Variants in FGFR2 observed in about 807,000 individuals in gnomAD.
FGFR2 encodes the protein fibroblast growth factor receptor 2.
In FGFR2, 19 loss-of-function variants were observed where a neutral mutation model predicts 95.9. The observed-to-expected ratio is 0.20, with a 90% CI of 0.14 to 0.29. The LOEUF is 0.29. Ranked by LOEUF, FGFR2 falls within the 10% of genes least tolerant of loss-of-function variation. The probability of loss-of-function intolerance (pLI) is 1.00; values close to 1 mark genes in which losing one functional copy is unlikely to be tolerated. For synonymous variants in FGFR2, 392 were observed against 393.3 expected, an observed-to-expected ratio of 1.00 and a Z score of 0.04; for missense variants, 707 against 1,056.9, an observed-to-expected ratio of 0.67 and a Z score of 4.59.
chr10:121,533,696 G>C (rs1384792296), intron 6 of FGFR2, among the ~76,000 whole-genome samples: 1 of 152,344 alleles, frequency 6.6e-6, no homozygotes, highest in Non-Finnish European at 1.5e-5. Context: ...CACCTCCTTA[G>C]AGTCGGGCTG....
chr10:121,596,796 T>C (rs1205911393), intron 1 of FGFR2, among the ~76,000 whole-genome samples: 2 of 151,956 alleles, frequency 1.3e-5, no homozygotes, highest in African/African-American at 4.8e-5. Flanking sequence ...GCCTGAAATA[T>C]CCTGTTTTTC....
At chr10:121,579,410 C>T (rs1671336149) in intron 2 of FGFR2, among the ~76,000 whole-genome samples, 1 of 152,174 alleles carries the variant, frequency 6.6e-6, no homozygotes, top group Non-Finnish European at 1.5e-5. Context: ...TCGCATTCCT[C>T]TGACTTCAAA....
intron 6 of FGFR2, among the ~76,000 whole-genome samples, chr10:121,525,730 A>G (rs1425501167): frequency 6.6e-6 from 1 of 151,656 alleles, no homozygotes; most frequent in Non-Finnish European, 1.5e-5. Context: ...TCCTCTGGAC[A>G]TAGTAATATG....
intron 5 of FGFR2, among the ~76,000 whole-genome samples, chr10:121,548,538 C>A (rs1422173881): frequency 6.6e-6 from 1 of 151,972 alleles, no homozygotes; most frequent in African/African-American, 2.4e-5. Context: ...TCATTAGGCC[C>A]TCTTAGTCTC....
chr10:121,530,088 A>G (rs368074141), intron 6 of FGFR2, among the ~76,000 whole-genome samples: 2 of 152,236 alleles, frequency 1.3e-5, no homozygotes, highest in African/African-American at 4.8e-5. Context: ...ACCAGCTATC[A>G]TGAAAGACGC....
chr10:121,598,152 G>T lies in FGFR2; in HGVS notation c.-341C>A. 1 of 398,342 alleles carries T rather than the reference G, an allele frequency of 2.5e-6. No individual in the cohort carries two copies. The highest frequency in any genetic ancestry group is 4.4e-6 in the Non-Finnish European group (1 of 225,886). 24.7% of individuals were successfully genotyped at this position (398,342 alleles called of 1,614,324 possible). A position where few individuals can be genotyped will look rare whatever the true frequency, so the allele number is the denominator to read the frequency against. On this transcript the variant is annotated 5_prime_UTR_variant, in exon 1 of 18. Transcript: ENST00000358487. ...GGCTGCGGAGGAGCGCGGGCATGAC[G>T]CCCGCGGGCTGCCCTCGGATTTGGG...
chr10:121,492,978 A>AC (rs1413317523), intron 13 of FGFR2, among the ~76,000 whole-genome samples: 1 of 151,988 alleles, frequency 6.6e-6, no homozygotes, highest in Non-Finnish European at 1.5e-5. Flanking sequence ...TGAGTGGGGG[A>AC]CCAGGAGACC....
Position 121,560,366 on chromosome 10 carries a change from G to A in FGFR2, c.454+4136C>T, listed in dbSNP as rs182779816. Among the ~76,000 whole-genome samples the A allele has an allele frequency of 2.8e-3, 430 of 152,166 alleles. 2 individuals carry two copies. Among genetic ancestry groups the A allele is most frequent in the Non-Finnish European group, 4.9e-3 (331 of 68,006 alleles). ...GCCGTGGCTCACGCCTGTAATCCCA[G>A]CACTTTGGGAGGCCGAGGCGAGCAG... On this transcript the variant is annotated intron_variant, in intron 4 of 17. Coordinates refer to ENST00000358487, the MANE Select transcript of FGFR2 (RefSeq NM_000141.5).
At chr10:121,556,529 TG>T (rs1372868800) in intron 4 of FGFR2, among the ~76,000 whole-genome samples, 1 of 152,078 alleles carries the variant, frequency 6.6e-6, no homozygotes, top group African/African-American at 2.4e-5. Flanking sequence ...GGTGACCATC[TG>T]GCCCAACGAC....
At chr10:121,540,939 G>C (rs145134141) in intron 5 of FGFR2, among the ~76,000 whole-genome samples, 1 of 151,944 alleles carries the variant, frequency 6.6e-6, no homozygotes, top group Non-Finnish European at 1.5e-5. Context: ...CGCCTGACTC[G>C]GCTGACACAT....
At chr10:121,577,502 G>C (rs1183255781) in intron 2 of FGFR2, among the ~76,000 whole-genome samples, 2 of 152,108 alleles carry the variant, frequency 1.3e-5, no homozygotes, top group African/African-American at 4.8e-5. Flanking sequence ...CCCTAACACA[G>C]AATTGGGGGT....
chr10:121,565,418 G>T lies in FGFR2; in HGVS notation c.376+20C>A, dbSNP rs750006099. The T allele has an allele frequency of 1.2e-6, 2 of 1,613,810 alleles. No homozygotes were observed. Among genetic ancestry groups the T allele is most frequent in the East Asian group, 4.5e-5 (2 of 44,882 alleles). On this transcript the variant is annotated intron_variant, in intron 3 of 17. Coordinates refer to ENST00000358487, the MANE Select transcript of FGFR2 (RefSeq NM_000141.5). ...ATGGCTACAGAGAAGAGAGAGCATA[G>T]TGCTGGCGGGCCAACTCACCTGTGA...
In FGFR2 at chr10:121,593,781, C is replaced by T. The variant is rs2135485083; in HGVS notation, c.37G>A (p.Val13Ile). 6.2e-7 allele frequency: 1 copy of T among 1,614,196 alleles called. No individual in the cohort carries two copies. The highest frequency in any genetic ancestry group is 8.5e-7 in the Non-Finnish European group (1 of 1,180,032). ...GCCAGGGACAAGGTTGCCATGGTGA[C>T]CACGACCAGGCAGATGAAACGACCC... ...SWGRFICLVV[V>I]TMATLSLARP... The change falls in exon 2 of 18, where the codon GTC becomes ATC. Residue 13 changes from valine to isoleucine, a missense_variant. By Grantham distance (29) the Val-to-Ile change is conservative. Around this residue, in one of 7 missense-constraint regions of FGFR2, gnomAD observed 178 missense variants for 194.1 expected, o/e 0.92. Transcript: ENST00000358487.
At chr10:121,565,417 A>G (rs2135108318) in intron 3 of FGFR2, 21 bp downstream of exon 3, 2 of 1,613,858 alleles carry the variant, frequency 1.2e-6, no homozygotes, top group East Asian at 4.5e-5. Flanking sequence ...GAGAGAGCAT[A>G]GTGCTGGCGG....
At chr10:121,557,618 A>C (rs570368309) in intron 4 of FGFR2, among the ~76,000 whole-genome samples, 1 of 152,318 alleles carries the variant, frequency 6.6e-6, no homozygotes, top group African/African-American at 2.4e-5. Flanking sequence ...AAACCAACTT[A>C]TTGATGATGT....
chr10:121,555,036 T>C (rs543095963), intron 4 of FGFR2, among the ~76,000 whole-genome samples: 2 of 152,304 alleles, frequency 1.3e-5, no homozygotes, highest in South Asian at 2.1e-4. Context: ...GCCTTGTCCA[T>C]AGTAGATGCT....
intron 2 of FGFR2, among the ~76,000 whole-genome samples, chr10:121,586,857 T>C (rs1033761026): frequency 3.3e-5 from 5 of 152,210 alleles, no homozygotes; most frequent in Admixed American, 1.3e-4. Context: ...CTTCAAGACG[T>C]GAAGGATCAC....
chr10:121,479,979 T>C lies in FGFR2; in HGVS notation c.2344A>G (p.Ser782Gly). The change falls in exon 18 of 18, where the codon AGT (serine) becomes GGT (glycine). Residue 782 changes from serine to glycine, a missense_variant. Ser to Gly is a moderately conservative substitution (Grantham distance 56). Coordinates refer to ENST00000358487, the MANE Select transcript of FGFR2 (RefSeq NM_000141.5). ...CAAGAACTTCTTGTGTCAGGGTAAC[T>C]AGGTGAATACTGTTCGAGAGGTTGG... Reference protein sequence around the residue: ...LSQPLEQYSPSYPDTRSSCSS... With the variant: ...LSQPLEQYSPGYPDTRSSCSS... 2 of 1,613,992 alleles carry C rather than the reference T, an allele frequency of 1.2e-6. No homozygotes were observed. Among genetic ancestry groups the C allele is most frequent in the Non-Finnish European group, 1.7e-6 (2 of 1,179,926 alleles).
rs1225515762 is a variant in FGFR2, at chr10:121,479,377, G to A, written c.*480C>T. 4 of 310,346 alleles carry A rather than the reference G, an allele frequency of 1.3e-5. No individual in the cohort carries two copies. The highest frequency in any genetic ancestry group is 9.8e-5 in the Admixed American group (2 of 20,466). 19.2% of individuals were successfully genotyped at this position (310,346 alleles called of 1,614,324 possible). ...AAAAAAAGAGAGACCAATTTTCTAG[G>A]TGCATTGGGACATCCATTTAAAATC... On this transcript the variant is annotated 3_prime_UTR_variant, in exon 18 of 18. Coordinates refer to ENST00000358487, the MANE Select transcript of FGFR2 (RefSeq NM_000141.5).
Sources: allele counts gnomAD v4.1 joint callset (sites outside exome capture counted in the v4.1 genomes callset), GRCh38; gene constraint gnomAD v4.1.1; regional missense constraint gnomAD v4.1.1; transcripts MANE v1.5; gene names NCBI Gene and HGNC (gene_info 2026-07-23, HGNC 2026-07-21).